The following DTX2 variants were observed in gnomAD, a reference collection of about 807,000 sequenced individuals.
DTX2 encodes deltex E3 ubiquitin ligase 2.
Under a neutral mutation model 55.3 loss-of-function variants are expected in DTX2, and 29 were observed. The ratio of observed to expected loss-of-function variants is 0.52; its 90% CI spans 0.39 to 0.71. DTX2 has a LOEUF of 0.71. DTX2 is among the 30% of genes least tolerant of loss of function. The pLI, the probability that DTX2 is intolerant of heterozygous loss-of-function variation, is 0.00. For synonymous variants in DTX2, 276 were observed against 340.4 expected (o/e 0.81, Z 2.08); for missense variants, 537 against 822.5 (o/e 0.65, Z 4.25).
Position 76,482,780 on chromosome 7 carries a change from C to T in DTX2, c.541C>T (p.Pro181Ser). 6.2e-7 allele frequency: 1 copy of T among 1,613,854 alleles called. No individual in the cohort carries two copies. Among genetic ancestry groups the T allele is most frequent in the Non-Finnish European group, 8.5e-7 (1 of 1,179,826 alleles). The part of the protein sequence containing the change: ...SVRRQAGPPY[P>S]VTTIIAPPGH... ...GCGGCGCCAAGCAGGGCCGCCTTAC[C>T]CGGTGACCACCATCATCGCTCCGCC... Residue 181 changes from proline (P) to serine (S), a missense_variant, in exon 4 of 11, where the codon CCG becomes TCG. Coordinates refer to ENST00000430490, the MANE Select transcript of DTX2 (RefSeq NM_001102594.3).
chr7:76,505,587 C>T lies in DTX2; in HGVS notation c.1855C>T (p.Leu619=). The part of the protein sequence containing the change: ...LAAQGVTEDC[L]EQQ ...TGCCCAGGGGGTGACCGAGGACTGC[C>T]TGGAGCAGCAGTGACCTCGCACCCC... Residue 619 remains leucine (L), a synonymous_variant, in exon 11 of 11, where the codon CTG becomes TTG. Coordinates refer to ENST00000430490, the MANE Select transcript of DTX2 (RefSeq NM_001102594.3). The surrounding 1 kb of genome is among the most constrained non-coding windows in gnomAD (Gnocchi z 4.4). 6.4e-7 allele frequency: 1 copy of T among 1,564,020 alleles called. No individual in the cohort carries two copies. The highest frequency in any genetic ancestry group is 8.6e-7 in the Non-Finnish European group (1 of 1,158,606).
At chr7:76,499,041 T>G (rs1811317541) in intron 6 of DTX2, among the ~76,000 whole-genome samples, 1 of 33,890 alleles carries the variant, frequency 3.0e-5, no homozygotes, top group Non-Finnish European at 5.1e-5. Context: ...GGGTGTGAGG[T>G]GTGTGGAGGT....
intron 2 of DTX2, among the ~76,000 whole-genome samples, chr7:76,471,324 G>A (rs1239397014): frequency 6.7e-6 from 1 of 148,834 alleles, no homozygotes; most frequent in African/African-American, 2.5e-5. Flanking sequence ...ACCGCGCCCG[G>A]CTAATTTTTT....
At chr7:76,466,404 ATATC>A (rs1807189619) in intron 2 of DTX2, among the ~76,000 whole-genome samples, 1 of 145,108 alleles carries the variant, frequency 6.9e-6, no homozygotes, top group Non-Finnish European at 1.5e-5. Flanking sequence ...ACAAAAGTAT[ATATC>A]TAATCTTTTT....
At chr7:76,463,139 G>A (rs1312900061) in intron 1 of DTX2, among the ~76,000 whole-genome samples, 2 of 150,208 alleles carry the variant, frequency 1.3e-5, no homozygotes, top group South Asian at 4.3e-4. Flanking sequence ...AGAGCCAGGC[G>A]TGGTGACTCG....
At chr7:76,502,235 A>G in intron 7 of DTX2, 63 bp from the exon 8 acceptor site, 1 of 1,517,074 alleles carries the variant, frequency 6.6e-7, no homozygotes, top group Non-Finnish European at 9.0e-7. Context: ...TCTTTTTCCA[A>G]GACTGGCCCA....
chr7:76,492,150 C>T lies in DTX2; in HGVS notation c.909-3C>T, dbSNP rs1349080006. 1 of 1,148,820 alleles carries T rather than the reference C, an allele frequency of 8.7e-7. No individual in the cohort carries two copies. The highest frequency in any genetic ancestry group is 2.3e-5 in the African/African-American group (1 of 43,862). 71.2% of individuals were successfully genotyped at this position (1,148,820 alleles called of 1,614,324 possible). A position where few individuals can be genotyped will look rare whatever the true frequency, so the allele number is the denominator to read the frequency against. On this transcript the variant is annotated splice_polypyrimidine_tract_variant and splice_region_variant and intron_variant, in intron 4 of 10. Transcript: ENST00000430490. ...CAGTAAGCTCTGCTCTTTTCTCCCC[C>T]AGTGCCTCCCTCCCCAGCGGTCCCT...
chr7:76,475,612 G>A (rs1289265176), intron 2 of DTX2, among the ~76,000 whole-genome samples: 9 of 151,098 alleles, frequency 6.0e-5, no homozygotes, highest in Non-Finnish European at 1.0e-4. Flanking sequence ...GCTTGAACCC[G>A]GGAGGCGGAG....
chr7:76,468,758 A>ATTTTT (rs3972784), intron 2 of DTX2, among the ~76,000 whole-genome samples: 612 of 26,996 alleles, frequency 0.023, 26 homozygotes, highest in South Asian at 0.045. Context: ...CACGCCCAGC[A>ATTTTT]TTTTTTTTTT....
chr7:76,472,408 C>A (rs1808033679), intron 2 of DTX2, among the ~76,000 whole-genome samples: 1 of 135,764 alleles, frequency 7.4e-6, no homozygotes, highest in Non-Finnish European at 1.6e-5. Flanking sequence ...CTCACTGCAA[C>A]CTCCGCCTCC....
chr7:76,505,831 C>A lies in DTX2; in HGVS notation c.*230C>A. On this transcript the variant is annotated 3_prime_UTR_variant, in exon 11 of 11. Coordinates refer to ENST00000430490, the MANE Select transcript of DTX2 (RefSeq NM_001102594.3). This position sits in a 1 kb window ranked among gnomAD's most constrained non-coding sequence, Gnocchi z 4.4. ...ATGGGGGCTTAGGATGCAGCTACCT[C>A]AGTGCGCAGGGCCCGTCTGTCCTCT... The A allele has an allele frequency of 1.6e-6, 1 of 606,496 alleles. No homozygotes were observed. Among genetic ancestry groups the A allele is most frequent in the Non-Finnish European group, 2.9e-6 (1 of 341,202 alleles). 37.6% of individuals were successfully genotyped at this position (606,496 alleles called of 1,614,324 possible). A position where few individuals can be genotyped will look rare whatever the true frequency, so the allele number is the denominator to read the frequency against.
At chr7:76,495,856 C>G (rs1216584222) in intron 5 of DTX2, among the ~76,000 whole-genome samples, 2 of 145,382 alleles carry the variant, frequency 1.4e-5, no homozygotes, top group Non-Finnish European at 3.0e-5. Flanking sequence ...GCAGTGTTGC[C>G]GGAGAACCCT....
In DTX2 at chr7:76,505,014, G is replaced by A. The variant is rs1812181578; in HGVS notation, c.1642-360G>A. Among the ~76,000 whole-genome samples the A allele has an allele frequency of 6.7e-6, 1 of 149,634 alleles. No homozygotes were observed. Among genetic ancestry groups the A allele is most frequent in the Admixed American group, 6.7e-5 (1 of 14,948 alleles). ...TGGCGGAGCTGGAGGCGGGGAGAGGGCAGGGAGAGGGCAGGGAGGCCTGGA... is the reference window on the plus strand; with the variant it reads ...TGGCGGAGCTGGAGGCGGGGAGAGGACAGGGAGAGGGCAGGGAGGCCTGGA... On this transcript the variant is annotated intron_variant, in intron 10 of 10. Transcript: ENST00000430490. This position sits in a 1 kb window ranked among gnomAD's most constrained non-coding sequence, Gnocchi z 4.4.
At chr7:76,478,366 C>T (rs896523470) in intron 2 of DTX2, among the ~76,000 whole-genome samples, 1 of 143,250 alleles carries the variant, frequency 7.0e-6, no homozygotes, top group Non-Finnish European at 1.5e-5. Context: ...TGGAAAGAAG[C>T]AGGCCTGGGC....
chr7:76,484,036 G>T (rs1258562759), intron 4 of DTX2, among the ~76,000 whole-genome samples: 1 of 143,296 alleles, frequency 7.0e-6, no homozygotes, highest in Non-Finnish European at 1.5e-5. Context: ...CAGCCCCCTA[G>T]GTGACAGAGC....
Position 76,480,682 on chromosome 7 carries a change from G to C in DTX2, c.173G>C (p.Ser58Thr). ...AAGGGCCAACGTTTTGGGCTTGGGA[G>C]CCTGGCCCACAGCATCCCCTTGGGC... ...QQKGQRFGLGSLAHSIPLGQA... is the reference protein window; with the variant it reads ...QQKGQRFGLGTLAHSIPLGQA... Residue 58 changes from serine (S) to threonine (T), a missense_variant, in exon 3 of 11, where the codon AGC becomes ACC. By Grantham distance (58) the Ser-to-Thr change is moderately conservative (BLOSUM62 1). This residue lies in a region of DTX2 where 301 missense variants were observed against 396.6 expected (regional missense o/e 0.76). Transcript: ENST00000430490. 1 of 1,613,690 alleles carries C rather than the reference G, an allele frequency of 6.2e-7. No individual in the cohort carries two copies. Among genetic ancestry groups the C allele is most frequent in the Admixed American group, 1.7e-5 (1 of 59,998 alleles).
rs772031003 is a variant in DTX2 at position 76,482,773 on chromosome 7, G to A, written c.534G>A (p.Pro178=). 5.0e-6 allele frequency: 8 copies of A among 1,613,736 alleles called. No individual in the cohort carries two copies. The highest frequency in any genetic ancestry group is 6.8e-6 in the Non-Finnish European group (8 of 1,179,834). Residue 178 remains proline (P), a synonymous_variant, in exon 4 of 11, where the codon CCG becomes CCA. Transcript: ENST00000430490. ...GCAGCGTGCGGCGCCAAGCAGGGCCGCCTTACCCGGTGACCACCATCATCG... is the reference window on the plus strand; with the variant it reads ...GCAGCGTGCGGCGCCAAGCAGGGCCACCTTACCCGGTGACCACCATCATCG... ...FCRSVRRQAG[P]PYPVTTIIAP...
At chr7:76,468,086 G>A (rs1337433075) in intron 2 of DTX2, among the ~76,000 whole-genome samples, 2 of 152,298 alleles carry the variant, frequency 1.3e-5, no homozygotes, top group African/African-American at 2.4e-5. Flanking sequence ...AGGGGAGGAG[G>A]GGAGAGGGAG....
intron 4 of DTX2, among the ~76,000 whole-genome samples, chr7:76,489,631 G>A (rs1810217565): frequency 1.1e-5 from 1 of 91,824 alleles, no homozygotes; most frequent in East Asian, 3.0e-4. Flanking sequence ...AAACCAGCCT[G>A]GCCAACACGG....
Sources: allele counts gnomAD v4.1 joint callset (sites outside exome capture counted in the v4.1 genomes callset), GRCh38; gene constraint gnomAD v4.1.1; regional missense constraint gnomAD v4.1.1; non-coding constraint Gnocchi (gnomAD v3.1); transcripts MANE v1.5; gene names NCBI Gene and HGNC (gene_info 2026-07-23, HGNC 2026-07-21).